PHKA2: variants seen among roughly 807,000 people sequenced by gnomAD.
PHKA2 encodes the protein phosphorylase b kinase regulatory subunit alpha, liver isoform.
PHKA2 carries 31 observed loss-of-function variants against 102.0 expected under a neutral mutation model. The observed-to-expected ratio is 0.30, with a 90% CI of 0.23 to 0.41. The LOEUF is 0.41. Among genes scored for constraint, PHKA2 ranks in the 10% least tolerant of loss-of-function variants. The probability of loss-of-function intolerance (pLI) is 1.00; values close to 1 mark genes in which losing one functional copy is unlikely to be tolerated. For missense variants in PHKA2, 858 were observed against 1,023.1 expected, an observed-to-expected ratio of 0.84 and a Z score of 2.20; for synonymous variants, 455 against 416.2, an observed-to-expected ratio of 1.09 and a Z score of -1.13.
intron 11 of PHKA2, among the ~76,000 whole-genome samples, 198 bp from the exon 12 acceptor site, chrX:18,931,946 C>G (rs189300267): frequency 8.9e-6 from 1 of 112,214 alleles, no homozygotes; most frequent in Non-Finnish European, 1.9e-5. Context: ...GAAGTCAAAT[C>G]GCGGCCTGGT....
Position 18,924,334 on chromosome X carries a change from A to C in PHKA2, c.1714+47T>G, listed in dbSNP as rs762716729. 5 of 1,195,836 alleles carry C rather than the reference A, an allele frequency of 4.2e-6. No homozygotes were observed. The South Asian group carries it at 8.9e-5, about 21-fold the overall frequency. ...CATTTTAAACATTTGTAAGAGCCCA[A>C]ACCACCCCTGGGGCAGGAGGGAGCC... On this transcript the variant is annotated intron_variant, in intron 16 of 32. Coordinates refer to ENST00000379942, the MANE Select transcript of PHKA2 (RefSeq NM_000292.3).
chrX:18,925,904 C>A lies in PHKA2; in HGVS notation c.1460-127G>T. 2 of 507,588 alleles carry A rather than the reference C, an allele frequency of 3.9e-6. 1 individual carries two copies. Among genetic ancestry groups the A allele is most frequent in the South Asian group, 5.4e-5 (2 of 36,782 alleles). 41.8% of individuals were successfully genotyped at this position (507,588 alleles called of 1,213,427 possible). A position where few individuals can be genotyped will look rare whatever the true frequency, so the allele number is the denominator to read the frequency against. ...CCCATTTTGGGGCTTGGTTCTTCTA[C>A]TGCCATCATCCTTTAAAATGGCACG... is the stretch of plus-strand genomic sequence containing the variant. On this transcript the variant is annotated intron_variant, in intron 14 of 32. Coordinates refer to ENST00000379942, the MANE Select transcript of PHKA2 (RefSeq NM_000292.3).
intron 1 of PHKA2, among the ~76,000 whole-genome samples, chrX:18,966,543 T>G (rs1044411705): frequency 2.7e-5 from 3 of 112,305 alleles, no homozygotes; most frequent in Non-Finnish European, 3.8e-5. Context: ...TTTTTTTCTA[T>G]GAATTACTCA....
intron 10 of PHKA2, among the ~76,000 whole-genome samples, chrX:18,937,979 A>G (rs192427910): frequency 3.4e-4 from 38 of 112,155 alleles, no homozygotes; most frequent in African/African-American, 1.0e-3. Flanking sequence ...GGAAAGAACA[A>G]CAGCAACAAC....
intron 5 of PHKA2, among the ~76,000 whole-genome samples, chrX:18,946,259 C>T (rs1229079301): frequency 1.8e-5 from 2 of 110,837 alleles, no homozygotes; most frequent in African/African-American, 3.3e-5. Context: ...GATTGAGACT[C>T]GGGCATCCTA....
intron 13 of PHKA2, among the ~76,000 whole-genome samples, chrX:18,926,895 C>T (rs2048219425): frequency 8.9e-6 from 1 of 111,814 alleles, no homozygotes; most frequent in South Asian, 3.7e-4. Context: ...AATGTCTTGC[C>T]TCCCTCTGGG....
chrX:18,897,305 C>T lies in PHKA2; in HGVS notation c.3140G>A (p.Gly1047Asp). Reference protein sequence around the residue: ...ARSSTPSSPTGTSSSDSGGHH... With the variant: ...ARSSTPSSPTDTSSSDSGGHH... Reference sequence around the variant, plus strand: ...TCCTCCCGAGTCTGAGGATGACGTGCCAGTGGGCGAGGATGGGGTGCTGGA... The same window carrying T: ...TCCTCCCGAGTCTGAGGATGACGTGTCAGTGGGCGAGGATGGGGTGCTGGA... Residue 1047 changes from glycine to aspartate, a missense_variant, in exon 30 of 33, where the codon GGC becomes GAC. Around this residue, in one of 2 missense-constraint regions of PHKA2, gnomAD observed 671 missense variants for 745.2 expected, o/e 0.90. Coordinates refer to ENST00000379942, the MANE Select transcript of PHKA2 (RefSeq NM_000292.3). 6 of 1,210,150 alleles carry T rather than the reference C, an allele frequency of 5.0e-6. No individual in the cohort carries two copies. The highest frequency in any genetic ancestry group is 5.6e-6 in the Non-Finnish European group (5 of 895,098).
chrX:18,962,298 G>T, intron 1 of PHKA2, among the ~76,000 whole-genome samples: 1 of 111,747 alleles, frequency 8.9e-6, no homozygotes, highest in Non-Finnish European at 1.9e-5. Flanking sequence ...GGTAAGGACT[G>T]CAAAATGGAT....
intron 19 of PHKA2, among the ~76,000 whole-genome samples, chrX:18,916,251 C>T (rs1027707665): frequency 9.0e-6 from 1 of 111,601 alleles, no homozygotes; most frequent in Non-Finnish European, 1.9e-5. Flanking sequence ...CCTGTCTCTA[C>T]TAAAAATACA....
rs2047526856 is a variant in PHKA2 at position 18,895,415 on chromosome X, G to A, written c.3283-224C>T. The A allele has an allele frequency of 6.7e-6, 3 of 446,208 alleles. No individual in the cohort carries two copies. The Admixed American group carries it at 9.2e-5, about 14-fold the overall frequency. 36.8% of individuals were successfully genotyped at this position (446,208 alleles called of 1,213,427 possible). On this transcript the variant is annotated intron_variant, in intron 30 of 32. Coordinates refer to ENST00000379942, the MANE Select transcript of PHKA2 (RefSeq NM_000292.3). The stretch of plus-strand genomic sequence containing the variant: ...TAGGGAACCCAGCAGGCATCTTTCA[G>A]ATCTCCCCCGAACAATGCCCTAGGG...
At chrX:18,974,081 G>A (rs1052213911) in intron 1 of PHKA2, among the ~76,000 whole-genome samples, 21 of 110,254 alleles carry the variant, frequency 1.9e-4, no homozygotes, top group African/African-American at 6.9e-4. Context: ...CCTCTCTAAG[G>A]TCACCTGCAA....
chrX:18,927,222 G>A (rs1299192100), intron 13 of PHKA2, among the ~76,000 whole-genome samples: 2 of 112,192 alleles, frequency 1.8e-5, no homozygotes, highest in Non-Finnish European at 3.8e-5. Context: ...GGTGGGAGAG[G>A]CTGGGCACCT....
At chrX:18,937,603 C>T (rs889618025) in intron 10 of PHKA2, among the ~76,000 whole-genome samples, 1 of 111,393 alleles carries the variant, frequency 9.0e-6, no homozygotes, top group Admixed American at 9.6e-5. Flanking sequence ...AGAATGTCCT[C>T]GGCCTTTGAG....
chrX:18,939,971 T>C, intron 9 of PHKA2, 24 bp downstream of exon 9: 7 of 1,070,151 alleles, frequency 6.5e-6, no homozygotes, highest in Non-Finnish European at 9.1e-6. Flanking sequence ...TGAGGAAAGA[T>C]AAGAAACAAT....
chrX:18,946,116 C>T (rs1373464205), intron 5 of PHKA2, among the ~76,000 whole-genome samples: 3 of 110,098 alleles, frequency 2.7e-5, no homozygotes, highest in Non-Finnish European at 5.7e-5. Context: ...TTAGTAAAGA[C>T]AGAGTTTCAC....
intron 19 of PHKA2, among the ~76,000 whole-genome samples, chrX:18,917,570 T>A (rs2048041061): frequency 8.9e-6 from 1 of 111,962 alleles, no homozygotes; most frequent in Non-Finnish European, 1.9e-5. Flanking sequence ...AAAAAATGTA[T>A]TTTTAATCTA....
chrX:18,940,884 T>A, intron 8 of PHKA2, among the ~76,000 whole-genome samples: 1 of 111,799 alleles, frequency 8.9e-6, no homozygotes, highest in South Asian at 3.7e-4. Flanking sequence ...CCTAAAGGGG[T>A]TCCCTTTTTC....
chrX:18,905,410 C>G (rs1015854324), intron 26 of PHKA2, among the ~76,000 whole-genome samples: 1 of 111,559 alleles, frequency 9.0e-6, no homozygotes, highest in Non-Finnish European at 1.9e-5. Context: ...CTCCTGACCT[C>G]GTCATCCGCC....
intron 19 of PHKA2, among the ~76,000 whole-genome samples, chrX:18,915,010 A>G (rs2047996027): frequency 9.0e-6 from 1 of 111,669 alleles, no homozygotes; most frequent in African/African-American, 3.3e-5. Flanking sequence ...GTATATACAA[A>G]CCAAAACAAA....
Sources: gnomAD v4.1 joint callset for allele counts (sites outside exome capture counted in the v4.1 genomes callset) on GRCh38, gnomAD v4.1.1 for gene constraint, gnomAD v4.1.1 regional missense constraint, MANE v1.5 for transcripts, NCBI Gene and HGNC (gene_info 2026-07-23, HGNC 2026-07-21) for gene names.